The following ORC5 variants were observed in gnomAD, a reference collection of about 807,000 sequenced individuals.
ORC5 encodes the protein protein phosphatase 1, regulatory subunit 117.
ORC5 carries 39 observed loss-of-function variants against 58.8 expected under a neutral mutation model. The ratio of observed to expected loss-of-function variants is 0.66; its 90% confidence interval spans 0.51 to 0.87. ORC5 has a LOEUF of 0.87. ORC5 is among the 40% of genes least tolerant of loss of function. The pLI, the probability that ORC5 is intolerant of heterozygous loss-of-function variation, is 0.00. For synonymous variants in ORC5, 218 were observed against 177.6 expected (o/e 1.23, Z -1.81); for missense variants, 493 against 506.3 (o/e 0.97, Z 0.25).
At chr7:104,204,419 T>C (rs965466120) in intron 1 of ORC5, among the ~76,000 whole-genome samples, 185 bp from the exon 2 acceptor site, 1 of 152,230 alleles carries the variant, frequency 6.6e-6, no homozygotes, top group African/African-American at 2.4e-5. Context: ...ACTTTCTTTG[T>C]TATGAAATTA....
At position 104,183,933 on chromosome 7, in the gene ORC5, A is replaced by G. The variant is rs367725484; in HGVS notation, c.824+10T>C. 2 of 1,574,628 alleles carry G rather than the reference A, an allele frequency of 1.3e-6. No homozygotes were observed. Among genetic ancestry groups the G allele is most frequent in the South Asian group, 2.3e-5 (2 of 88,494 alleles). Reference sequence around the variant, plus strand: ...ATAAAAACTAGTATGCATACTAAATAGAAAATTACCTTGATATTTCCCTGA... The same window carrying G: ...ATAAAAACTAGTATGCATACTAAATGGAAAATTACCTTGATATTTCCCTGA... On this transcript the variant is annotated intron_variant, in intron 8 of 13. Coordinates refer to ENST00000297431, the MANE Select transcript of ORC5 (RefSeq NM_002553.4).
Position 104,204,204 on chromosome 7 carries a change from T to C in ORC5, c.103A>G (p.Ile35Val), listed in dbSNP as rs753668415. The C allele has an allele frequency of 1.6e-5, 26 of 1,601,016 alleles. No homozygotes were observed. Among genetic ancestry groups the C allele is most frequent in the Admixed American group, 1.0e-4 (6 of 59,224 alleles). The change falls in exon 2 of 14, where the codon ATT (isoleucine) becomes GTT (valine). Residue 35 changes from isoleucine (I) to valine (V), a missense_variant. Around this residue, in one of 3 missense-constraint regions of ORC5, gnomAD observed 412 missense variants for 403.7 expected, o/e 1.02. Transcript: ENST00000297431. ...TTTCCACTAGCAGTATGTCCATAAA[T>C]AAAAATGGATGGAAAGCTGAAATGA... ...RHHFSFPSIF[I>V]YGHTASGKTY... is the part of the protein sequence containing the mutation.
At position 104,166,832 on chromosome 7, in the gene ORC5, T is replaced by A. The variant is rs200928411; in HGVS notation, c.930A>T (p.Leu310=). ...VELPYYSKFI[L]IAAYLASYNP... ...TGTATGAAGCAAGGTATGCAGCAAT[T>A]AGAATGAACTTAGAGTAATATGGAA... Residue 310 remains leucine (L), a synonymous_variant, in exon 10 of 14, where the codon CTA becomes CTT. Transcript: ENST00000297431. 6.2e-7 allele frequency: 1 copy of A among 1,613,176 alleles called. No homozygotes were observed. The highest frequency in any genetic ancestry group is 8.5e-7 in the Non-Finnish European group (1 of 1,179,306).
intron 12 of ORC5, among the ~76,000 whole-genome samples, chr7:104,160,296 T>G (rs1373053377): frequency 1.3e-5 from 2 of 152,182 alleles, no homozygotes; most frequent in Non-Finnish European, 2.9e-5. Flanking sequence ...ATTTATTCAG[T>G]GAATTAATTA....
At chr7:104,201,043 T>C (rs1364770397) in intron 2 of ORC5, 85 bp from the exon 3 acceptor site, 2 of 1,187,686 alleles carry the variant, frequency 1.7e-6, no homozygotes, top group Non-Finnish European at 2.4e-6. Context: ...TCCATTTGCC[T>C]TTCTAAATCT....
At chr7:104,193,251 A>G (rs964844724) in intron 5 of ORC5, among the ~76,000 whole-genome samples, 8 of 152,118 alleles carry the variant, frequency 5.3e-5, no homozygotes, top group Non-Finnish European at 8.8e-5. Context: ...TTTTATAATT[A>G]ATATAGTATT....
At chr7:104,148,720 T>A (rs2115800430) in intron 12 of ORC5, among the ~76,000 whole-genome samples, 1 of 152,330 alleles carries the variant, frequency 6.6e-6, no homozygotes, top group East Asian at 1.9e-4. Flanking sequence ...ATTAAATTGC[T>A]GTTTTTAAGG....
Position 104,207,978 on chromosome 7 carries a change from G to A in ORC5, c.-74C>T, listed in dbSNP as rs1180237690. The A allele has an allele frequency of 5.7e-6, 8 of 1,413,442 alleles. No homozygotes were observed. Among genetic ancestry groups the A allele is most frequent in the African/African-American group, 1.4e-5 (1 of 69,948 alleles). The allele number at this position is 1,413,442 out of a possible 1,614,324, so 87.6% of individuals were successfully genotyped here. On this transcript the variant is annotated 5_prime_UTR_variant, in exon 1 of 14. Transcript: ENST00000297431. Reference sequence around the variant, plus strand: ...TTGCACAAGACGGAGCCTCTCCCGAGTCTGGCGGCCCACGCTCCCGCCGGA... The same window carrying A: ...TTGCACAAGACGGAGCCTCTCCCGAATCTGGCGGCCCACGCTCCCGCCGGA...
chr7:104,147,763 T>C (rs1370652263), intron 12 of ORC5, among the ~76,000 whole-genome samples: 1 of 152,236 alleles, frequency 6.6e-6, no homozygotes. Context: ...AAACACTTGT[T>C]TTAAGAATAC....
At chr7:104,162,227 C>T (rs1298195376) in intron 11 of ORC5, among the ~76,000 whole-genome samples, 1 of 152,146 alleles carries the variant, frequency 6.6e-6, no homozygotes, top group Non-Finnish European at 1.5e-5. Context: ...GGCTGGAGTA[C>T]AGTGACACGA....
Position 104,136,793 on chromosome 7 carries a change from C to T in ORC5, c.1250G>A (p.Arg417Lys). 6.2e-7 allele frequency: 1 copy of T among 1,609,168 alleles called. No homozygotes were observed. The highest frequency in any genetic ancestry group is 8.5e-7 in the Non-Finnish European group (1 of 1,175,658). ...CAAGACATTTTACCTTGCAATAGCT[C>T]TGATGAAGTCTAGAGACACTGTGCA... ...YKCTVSLDFI[R>K]AIARTVNFDI... The change falls in exon 13 of 14, where the codon AGA (arginine) becomes AAA (lysine). Residue 417 changes from arginine (R) to lysine (K), a missense_variant. This residue lies in a region of ORC5 where 77 missense variants were observed against 86.1 expected (regional missense o/e 0.89). Transcript: ENST00000297431. The surrounding 1 kb of genome is among the most constrained non-coding windows in gnomAD (Gnocchi z 4.2).
At chr7:104,132,726 T>C (rs1225940673) in intron 13 of ORC5, among the ~76,000 whole-genome samples, 1 of 152,206 alleles carries the variant, frequency 6.6e-6, no homozygotes, top group Non-Finnish European at 1.5e-5. Flanking sequence ...GCTTAGGAGC[T>C]TGTATTCTAG....
At chr7:104,151,599 GA>G (rs1216634585) in intron 12 of ORC5, among the ~76,000 whole-genome samples, 3 of 152,168 alleles carry the variant, frequency 2.0e-5, no homozygotes, top group African/African-American at 7.2e-5. Context: ...GATTAGTTTT[GA>G]AATCTAGGTA....
chr7:104,181,956 G>A (rs187519643), intron 8 of ORC5, among the ~76,000 whole-genome samples: 59 of 152,170 alleles, frequency 3.9e-4, no homozygotes, highest in African/African-American at 1.4e-3. Flanking sequence ...TAAAATCTAT[G>A]TGATCAACAT....
At chr7:104,181,995 A>G (rs1799443695) in intron 8 of ORC5, among the ~76,000 whole-genome samples, 3 of 152,316 alleles carry the variant, frequency 2.0e-5, no homozygotes, top group East Asian at 3.9e-4. Flanking sequence ...TTCTTTAAAA[A>G]AAGCTATAAT....
chr7:104,174,596 G>T (rs565376809), intron 8 of ORC5, among the ~76,000 whole-genome samples: 1 of 152,140 alleles, frequency 6.6e-6, no homozygotes. Flanking sequence ...GCGACCCTAG[G>T]GTGATGGGCA....
At chr7:104,158,819 C>T (rs1407628432) in intron 12 of ORC5, among the ~76,000 whole-genome samples, 2 of 151,690 alleles carry the variant, frequency 1.3e-5, no homozygotes, top group Non-Finnish European at 2.9e-5. Context: ...ATTAAAAAGT[C>T]AGGAAACAAC....
At chr7:104,168,751 A>C (rs1055283500) in intron 8 of ORC5, among the ~76,000 whole-genome samples, 1 of 152,042 alleles carries the variant, frequency 6.6e-6, no homozygotes, top group African/African-American at 2.4e-5. Context: ...CTATTTTAAT[A>C]ATCTCTTTTA....
At chr7:104,196,079 A>G (rs10487192) in intron 4 of ORC5, among the ~76,000 whole-genome samples, 8,865 of 152,286 alleles carry the variant, frequency 0.058, 858 homozygotes, top group African/African-American at 0.2. Flanking sequence ...TCTCTTTTCC[A>G]GTTCAGCTGA....
Sources: gnomAD v4.1 joint callset for allele counts (sites outside exome capture counted in the v4.1 genomes callset) on GRCh38, gnomAD v4.1.1 for gene constraint, gnomAD v4.1.1 regional missense constraint, Gnocchi (gnomAD v3.1) non-coding constraint, MANE v1.5 for transcripts, NCBI Gene and HGNC (gene_info 2026-07-23, HGNC 2026-07-21) for gene names.